Variants in RNF220 observed in about 807,000 individuals in gnomAD.
RNF220 encodes ring finger protein 220.
RNF220 carries 7 observed loss-of-function variants against 67.1 expected under a neutral mutation model. That is an observed-to-expected ratio of 0.10 (90% CI 0.06 to 0.20). The LOEUF (loss-of-function observed/expected upper bound fraction) is 0.20, where lower values mean the gene tolerates loss of function less well. RNF220 is among the 10% of genes least tolerant of loss of function. RNF220 has a pLI of 1.00. For synonymous variants in RNF220, 270 were observed against 283.2 expected, an observed-to-expected ratio of 0.95 and a Z score of 0.47; for missense variants, 565 against 740.3, an observed-to-expected ratio of 0.76 and a Z score of 2.75.
At chr1:44,551,304 G>A (rs1177648659) in intron 2 of RNF220, among the ~76,000 whole-genome samples, 4 of 151,846 alleles carry the variant, frequency 2.6e-5, no homozygotes, top group African/African-American at 9.7e-5. Flanking sequence ...TAGTAGAGAC[G>A]TGGTTTCACC....
rs547287588 is a variant in RNF220 at position 44,492,842 on chromosome 1, C to T, written c.625+80120C>T. ...ATGCTCTAAAAGCCATTTGTAGTGA[C>T]GGCAAGCCAACTGTTTTAATGTACA... On this transcript the variant is annotated intron_variant, in intron 2 of 14. Transcript: ENST00000361799. Among the ~76,000 whole-genome samples the T allele has an allele frequency of 1.4e-4, 21 of 151,892 alleles. No individual in the cohort carries two copies. The East Asian group carries it at 2.3e-3, about 17-fold the overall frequency.
At position 44,622,509 on chromosome 1, in the gene RNF220, T is replaced by C. The variant is rs1643841449; in HGVS notation, c.759-233T>C. Among the ~76,000 whole-genome samples, 1 of 152,166 alleles carries C rather than the reference T, an allele frequency of 6.6e-6. No individual in the cohort carries two copies. The highest frequency in any genetic ancestry group is 6.5e-5 in the Admixed American group (1 of 15,290). On this transcript the variant is annotated intron_variant, in intron 3 of 14. Transcript: ENST00000361799. The surrounding 1 kb of genome is among the most constrained non-coding windows in gnomAD (Gnocchi z 4.3). ...GGAAATCTACCATGCCTAGTGTCTG[T>C]GTCTCCCTCCCAGGGGCCAGCACTA...
intron 2 of RNF220, among the ~76,000 whole-genome samples, chr1:44,530,622 T>C (rs544081194): frequency 8.6e-5 from 13 of 151,606 alleles, no homozygotes; most frequent in Admixed American, 3.9e-4. Context: ...GATGCAAAGA[T>C]GAAATACGTA....
At chr1:44,455,737 C>T (rs970191674) in intron 2 of RNF220, among the ~76,000 whole-genome samples, 6 of 152,042 alleles carry the variant, frequency 3.9e-5, no homozygotes, top group African/African-American at 9.7e-5. Context: ...GAAGAGGGGT[C>T]GGCACTGGAG....
chr1:44,614,232 G>A lies in RNF220; in HGVS notation c.693G>A (p.Leu231=). ...TTTGCCCCATCTGCCAGGTCCTGCTGAGGCCCAGTGAGCTGCAGGAGCATA... is the reference window on the plus strand; with the variant it reads ...TTTGCCCCATCTGCCAGGTCCTGCTAAGGCCCAGTGAGCTGCAGGAGCATA... ...APICPICQVL[L]RPSELQEHME... Residue 231 remains leucine, a synonymous_variant, in exon 3 of 15, where the codon CTG becomes CTA. Coordinates refer to ENST00000361799, the MANE Select transcript of RNF220 (RefSeq NM_018150.4). 1 of 1,614,200 alleles carries A rather than the reference G, an allele frequency of 6.2e-7. No individual in the cohort carries two copies. Among genetic ancestry groups the A allele is most frequent in the Non-Finnish European group, 8.5e-7 (1 of 1,180,022 alleles).
chr1:44,430,628 C>T (rs374648433), intron 2 of RNF220, among the ~76,000 whole-genome samples: 1 of 152,168 alleles, frequency 6.6e-6, no homozygotes, highest in Admixed American at 6.5e-5. Context: ...TCACTGCAAC[C>T]TCCGCCTCCT....
At chr1:44,486,098 C>T (rs1231526310) in intron 2 of RNF220, among the ~76,000 whole-genome samples, 1 of 152,148 alleles carries the variant, frequency 6.6e-6, no homozygotes, top group Non-Finnish European at 1.5e-5. Context: ...TATTCAGCAA[C>T]TCTCTGAATA....
chr1:44,405,246 T>G, upstream of RNF220: 1 of 369,002 alleles, frequency 2.7e-6, no homozygotes, highest in Non-Finnish European at 4.9e-6. Context: ...CCTGGGAGAG[T>G]GGAGGCTCAT....
At chr1:44,487,219 C>G (rs1232967630) in intron 2 of RNF220, among the ~76,000 whole-genome samples, 3 of 151,844 alleles carry the variant, frequency 2.0e-5, no homozygotes, top group Non-Finnish European at 4.4e-5. Context: ...CCTGTAGTCT[C>G]AGCTACTTGA....
At chr1:44,602,424 G>A (rs1666984075) in intron 2 of RNF220, among the ~76,000 whole-genome samples, 2 of 152,106 alleles carry the variant, frequency 1.3e-5, no homozygotes, top group African/African-American at 2.4e-5. Flanking sequence ...TCCAGGTTCC[G>A]GGGAAAGTGA....
At chr1:44,523,346 C>A (rs563630086) in intron 2 of RNF220, among the ~76,000 whole-genome samples, 3 of 152,314 alleles carry the variant, frequency 2.0e-5, no homozygotes, top group Non-Finnish European at 2.9e-5. Flanking sequence ...TTGCTCTCCT[C>A]CCACCCCAGG....
At chr1:44,466,761 T>C (rs552273092) in intron 2 of RNF220, among the ~76,000 whole-genome samples, 63 of 152,366 alleles carry the variant, frequency 4.1e-4, no homozygotes, top group African/African-American at 1.5e-3. Context: ...ACAGTGGGCT[T>C]AAAATATTAC....
intron 5 of RNF220, among the ~76,000 whole-genome samples, chr1:44,628,259 C>G (rs941167346): frequency 6.6e-6 from 1 of 152,242 alleles, no homozygotes; most frequent in Admixed American, 6.5e-5. Flanking sequence ...GAAAGAGTAA[C>G]CATCAGGCAA....
rs1216113313 is a variant in RNF220, at chr1:44,650,197, C to G, written c.1629+240C>G. The G allele has an allele frequency of 5.2e-6, 3 of 581,304 alleles. No individual in the cohort carries two copies. Among genetic ancestry groups the G allele is most frequent in the South Asian group, 2.0e-5 (1 of 49,390 alleles). The allele number at this position is 581,304 out of a possible 1,614,324, so 36.0% of individuals were successfully genotyped here. ...TCACTGCATTCTCCCTTCCCCGCCCCGGTCCCCGAAGGCCCACTGCATCAC... is the reference window on the plus strand; with the variant it reads ...TCACTGCATTCTCCCTTCCCCGCCCGGGTCCCCGAAGGCCCACTGCATCAC... On this transcript the variant is annotated intron_variant, in intron 14 of 14. Coordinates refer to ENST00000361799, the MANE Select transcript of RNF220 (RefSeq NM_018150.4). The surrounding 1 kb of genome is among the most constrained non-coding windows in gnomAD (Gnocchi z 4.3).
At chr1:44,473,528 T>C (rs1378206735) in intron 2 of RNF220, among the ~76,000 whole-genome samples, 4 of 151,420 alleles carry the variant, frequency 2.6e-5, no homozygotes, top group African/African-American at 9.7e-5. Flanking sequence ...AAATCAGGAG[T>C]AACTCTTTGA....
At chr1:44,592,006 G>A (rs894731373) in intron 2 of RNF220, among the ~76,000 whole-genome samples, 5 of 152,038 alleles carry the variant, frequency 3.3e-5, no homozygotes, top group African/African-American at 1.2e-4. Context: ...TCTGAGCCTG[G>A]GCCTCACTCC....
intron 2 of RNF220, among the ~76,000 whole-genome samples, chr1:44,480,178 T>G (rs1299563365): frequency 6.6e-6 from 1 of 152,146 alleles, no homozygotes; most frequent in East Asian, 1.9e-4. Flanking sequence ...CCAAGGCAAG[T>G]GGATCACTTG....
intron 2 of RNF220, among the ~76,000 whole-genome samples, chr1:44,487,705 T>C (rs892995314): frequency 3.5e-5 from 5 of 140,860 alleles, no homozygotes; most frequent in African/African-American, 5.9e-5. Context: ...ATAATAATAA[T>C]AATAACAATA....
At chr1:44,613,975 C>T (rs1557438594) in intron 2 of RNF220, among the ~76,000 whole-genome samples, 190 bp from the exon 3 acceptor site, 1 of 152,140 alleles carries the variant, frequency 6.6e-6, no homozygotes, top group Non-Finnish European at 1.5e-5. Flanking sequence ...GAGGAGGTAC[C>T]ATTCATGGCC....
Sources: gnomAD v4.1 joint callset for allele counts (sites outside exome capture counted in the v4.1 genomes callset) on GRCh38, gnomAD v4.1.1 for gene constraint, Gnocchi (gnomAD v3.1) non-coding constraint, MANE v1.5 for transcripts, NCBI Gene and HGNC (gene_info 2026-07-23, HGNC 2026-07-21) for gene names.